The following TNS2 variants were observed in gnomAD, a reference collection of about 807,000 sequenced individuals.
TNS2 encodes tensin 2.
In TNS2, 77 loss-of-function variants were observed where a neutral mutation model predicts 155.7. The ratio of observed to expected loss-of-function variants is 0.49; its 90% CI spans 0.41 to 0.60. The LOEUF (loss-of-function observed/expected upper bound fraction) is 0.60. Among genes scored for constraint, TNS2 ranks in the 20% least tolerant of loss-of-function variants. The pLI is 0.00. For missense variants in TNS2, 1,703 were observed against 1,868.8 expected (o/e 0.91, Z 1.64); for synonymous variants, 726 against 763.9 (o/e 0.95, Z 0.82).
chr12:53,064,155 G>A lies in TNS2; in HGVS notation c.*273G>A. The A allele has an allele frequency of 2.4e-6, 1 of 409,976 alleles. No individual in the cohort carries two copies. Among genetic ancestry groups the A allele is most frequent in the South Asian group, 3.6e-5 (1 of 27,926 alleles). The allele number at this position is 409,976 out of a possible 1,614,324, so 25.4% of individuals were successfully genotyped here. On this transcript the variant is annotated 3_prime_UTR_variant, in exon 29 of 29. Transcript: ENST00000314250. Reference sequence around the variant, plus strand: ...AGGCATCAGCAGTTGAGCCCCGAAGGAGATCAGGCAGCCCCACCTGCAGGA... The same window carrying A: ...AGGCATCAGCAGTTGAGCCCCGAAGAAGATCAGGCAGCCCCACCTGCAGGA...
chr12:53,058,479 CCAGGTG>C, intron 15 of TNS2, 34 bp downstream of exon 15: 2 of 1,611,874 alleles, frequency 1.2e-6, no homozygotes, highest in Non-Finnish European at 1.7e-6. Context: ...GGGCTGGAGT[CCAGGTG>C]GCAGGCAGGT....
At position 53,059,495 on chromosome 12, in the gene TNS2, G is replaced by C. The variant is rs746544346; in HGVS notation, c.1854G>C (p.Arg618Ser). ...ACCGGCCAGAGGGAACCCTGGAGAGGAGGCGACTGGCCTACGGGGGCTATG... is the reference window on the plus strand; with the variant it reads ...ACCGGCCAGAGGGAACCCTGGAGAGCAGGCGACTGGCCTACGGGGGCTATG... The part of the protein sequence containing the change: ...GYYRPEGTLE[R>S]RRLAYGGYEG... The change falls in exon 18 of 29, where the codon AGG becomes AGC. Residue 618 changes from arginine to serine, a missense_variant. By Grantham distance (110) the Arg-to-Ser change is moderately radical. Coordinates refer to ENST00000314250, the MANE Select transcript of TNS2 (RefSeq NM_170754.4). This position sits in a 1 kb window ranked among gnomAD's most constrained non-coding sequence, Gnocchi z 4.7. 6.4e-7 allele frequency: 1 copy of C among 1,568,038 alleles called. No individual in the cohort carries two copies. The highest frequency in any genetic ancestry group is 8.6e-7 in the Non-Finnish European group (1 of 1,160,576).
Position 53,055,224 on chromosome 12 carries a change from C to A in TNS2, c.561C>A (p.Arg187=). The change falls in exon 8 of 29, where the codon CGC becomes CGA. Residue 187 remains arginine, a synonymous_variant. Transcript: ENST00000314250. ...CAGAGAAAAGGCATGACCTGACCCG[C>A]TTAAACCCCAAGGTATGAAGGAAAT... is the stretch of plus-strand genomic sequence containing the variant. ...NLSEKRHDLT[R]LNPKVQDFGW... 1 of 1,614,042 alleles carries A rather than the reference C, an allele frequency of 6.2e-7. No homozygotes were observed. Among genetic ancestry groups the A allele is most frequent in the South Asian group, 1.1e-5 (1 of 91,078 alleles).
In TNS2 at chr12:53,062,691, G is replaced by A; in HGVS notation, c.3817G>A (p.Gly1273Ser). 1 of 1,613,910 alleles carries A rather than the reference G, an allele frequency of 6.2e-7. No individual in the cohort carries two copies. Among genetic ancestry groups the A allele is most frequent in the Non-Finnish European group, 8.5e-7 (1 of 1,179,950 alleles). ...MSTAADLLRQ[G>S]AACSVLYLTS... is the part of the protein sequence containing the mutation. ...CACAGCGGCAGACCTCCTGCGTCAGGGTGCTGGTAGAGACTTCCCCTCCAC... is the reference window on the plus strand; with the variant it reads ...CACAGCGGCAGACCTCCTGCGTCAGAGTGCTGGTAGAGACTTCCCCTCCAC... The change falls in exon 25 of 29, where the codon GGT becomes AGT. Residue 1273 changes from glycine to serine, a missense_variant. Physicochemically the swap from Gly to Ser is moderately conservative, Grantham distance 56 (BLOSUM62 0). Transcript: ENST00000314250.
At position 53,059,548 on chromosome 12, in the gene TNS2, C is replaced by A; in HGVS notation, c.1907C>A (p.Ala636Asp). The stretch of plus-strand genomic sequence containing the variant: ...GGATCCCCCCAGGGCTACGCCGAGG[C>A]CTCGATGGAGAAGAGGCGCCTCTGC... ...YEGSPQGYAE[A>D]SMEKRRLCRS... Residue 636 changes from alanine (A) to aspartate (D), a missense_variant, in exon 18 of 29, where the codon GCC (alanine) becomes GAC (aspartate). Physicochemically the swap from Ala to Asp is moderately radical, Grantham distance 126. Transcript: ENST00000314250. The surrounding 1 kb of genome is among the most constrained non-coding windows in gnomAD (Gnocchi z 4.7). 3 of 1,593,340 alleles carry A rather than the reference C, an allele frequency of 1.9e-6. No individual in the cohort carries two copies. Among genetic ancestry groups the A allele is most frequent in the Non-Finnish European group, 2.6e-6 (3 of 1,170,850 alleles).
chr12:53,058,739 G>T lies in TNS2; in HGVS notation c.1317G>T (p.Ser439=), dbSNP rs200073547. The T allele has an allele frequency of 3.7e-6, 6 of 1,613,962 alleles. No individual in the cohort carries two copies. In the Admixed American group the frequency reaches 1.0e-4, roughly 27 times the overall value. The part of the protein sequence containing the change: ...IKGSTPRNDP[S]VSVDYNTTEP... Reference sequence around the variant, plus strand: ...GCAGCACTCCACGGAACGACCCCTCGGTCTCTGTCGACTACAACACCACTG... The same window carrying T: ...GCAGCACTCCACGGAACGACCCCTCTGTCTCTGTCGACTACAACACCACTG... Residue 439 remains serine (S), a synonymous_variant, in exon 17 of 29, where the codon TCG becomes TCT. Transcript: ENST00000314250.
upstream of TNS2, chr12:53,049,988 T>G: frequency 7.7e-7 from 1 of 1,298,726 alleles, no homozygotes; most frequent in East Asian, 2.8e-5. Context: ...CCCCTCCACT[T>G]CCTGGAGCAG....
chr12:53,053,621 C>A, intron 4 of TNS2, 153 bp from the exon 5 acceptor site: 2 of 1,372,232 alleles, frequency 1.5e-6, no homozygotes, highest in South Asian at 1.3e-5. Flanking sequence ...GATCTTGTGC[C>A]CTTGGGCCTG....
rs772554985 is a variant in TNS2 at position 53,062,485 on chromosome 12, C to T, written c.3745+32C>T. On this transcript the variant is annotated intron_variant, in intron 24 of 28. Coordinates refer to ENST00000314250, the MANE Select transcript of TNS2 (RefSeq NM_170754.4). Reference sequence around the variant, plus strand: ...GTCTGGTCATCTGTCCTCCCCACCTCTCCCTACCCCCTGCAGCCAAAGCAG... The same window carrying T: ...GTCTGGTCATCTGTCCTCCCCACCTTTCCCTACCCCCTGCAGCCAAAGCAG... 2.5e-6 allele frequency: 4 copies of T among 1,612,138 alleles called. No individual in the cohort carries two copies. In the South Asian group the frequency reaches 3.3e-5, roughly 13 times the overall value.
At chr12:53,052,554 A>C in intron 3 of TNS2, 62 bp downstream of exon 3, 1 of 1,604,446 alleles carries the variant, frequency 6.2e-7, no homozygotes, top group African/African-American at 1.3e-5. Flanking sequence ...CCTCCCAAAC[A>C]GGCTTCTGCA....
At position 53,053,871 on chromosome 12, in the gene TNS2, T is replaced by C. The variant is rs1944031958; in HGVS notation, c.300+59T>C. 4 of 1,613,812 alleles carry C rather than the reference T, an allele frequency of 2.5e-6. No individual in the cohort carries two copies. In the East Asian group the frequency reaches 8.9e-5, roughly 36 times the overall value. ...GTAGCTTTGGGAGTAAGGATCTAGA[T>C]TTCCTGAAGACAAAAAGGGCATGGC... On this transcript the variant is annotated intron_variant, in intron 5 of 28. Coordinates refer to ENST00000314250, the MANE Select transcript of TNS2 (RefSeq NM_170754.4).
rs755675375 is a variant in TNS2, at chr12:53,055,715, G to A, written c.696+25G>A. ...GGTGGGCCAGGACCTCGGGTTCCCT[G>A]GTGCCTGGAGGTTCCAGGTCAGCCT... On this transcript the variant is annotated intron_variant, in intron 9 of 28. Coordinates refer to ENST00000314250, the MANE Select transcript of TNS2 (RefSeq NM_170754.4). 10 of 1,614,206 alleles carry A rather than the reference G, an allele frequency of 6.2e-6. No individual in the cohort carries two copies. The East Asian group carries it at 2.2e-4, about 36-fold the overall frequency.
Position 53,057,063 on chromosome 12 carries a change from AGGT to A in TNS2, c.815_817del (p.Val272del). ...ACCATGCGGAAATTCTGCGAGGACAAGGTGGCCACAGAACTGCAGCCCTCCCAG... is the reference window on the plus strand; with the variant it reads ...ACCATGCGGAAATTCTGCGAGGACAAGGCCACAGAACTGCAGCCCTCCCAG... On this transcript the variant is annotated inframe_deletion, in exon 11 of 29. Transcript: ENST00000314250. 4 of 1,613,668 alleles carry A rather than the reference AGGT, an allele frequency of 2.5e-6. No homozygotes were observed. Among genetic ancestry groups the A allele is most frequent in the Non-Finnish European group, 3.4e-6 (4 of 1,179,872 alleles).
chr12:53,058,167 A>T, intron 14 of TNS2, 65 bp downstream of exon 14: 1 of 1,611,908 alleles, frequency 6.2e-7, no homozygotes, highest in Non-Finnish European at 8.5e-7. Flanking sequence ...GTGTAACGGC[A>T]CAGTCACCAA....
At chr12:53,048,603 G>C (rs1943812465), upstream of TNS2, among the ~76,000 whole-genome samples, 1 of 152,192 alleles carries the variant, frequency 6.6e-6, no homozygotes, top group South Asian at 2.1e-4. Context: ...CAGAGCCCGT[G>C]CTCCTCTCCA....
upstream of TNS2, chr12:53,049,980 C>G (rs994548290): frequency 2.8e-5 from 37 of 1,323,706 alleles, no homozygotes; most frequent in East Asian, 1.6e-4. Flanking sequence ...CATCCTCCCC[C>G]CTCCACTTCC....
rs776007075 is a variant in TNS2 at position 53,061,218 on chromosome 12, T to A, written c.3312T>A (p.His1104Gln). ...CGCCAGCCAGAGGCATCAGTCACCA[T>A]GTCACCTTCGCACCTCTGCTCTCAG... The part of the protein sequence containing the change: ...ASSPARGISH[H>Q]VTFAPLLSDN... Residue 1104 changes from histidine (H) to glutamine (Q), a missense_variant, in exon 20 of 29, where the codon CAT (histidine) becomes CAA (glutamine). His to Gln is a conservative substitution (Grantham distance 24). Coordinates refer to ENST00000314250, the MANE Select transcript of TNS2 (RefSeq NM_170754.4). 2 of 1,573,888 alleles carry A rather than the reference T, an allele frequency of 1.3e-6. No homozygotes were observed. The highest frequency in any genetic ancestry group is 1.4e-5 in the African/African-American group (1 of 73,896).
chr12:53,047,467 C>CGGAGGTCG (rs1943764799), upstream of TNS2, among the ~76,000 whole-genome samples: 1 of 136,558 alleles, frequency 7.3e-6, no homozygotes, highest in South Asian at 2.3e-4. Flanking sequence ...GCGGGGCCGC[C>CGGAGGTCG]GGAGGTCGAG....
Position 53,064,344 on chromosome 12 carries a change from C to A in TNS2, c.*462C>A. ...GGGAAAAAAGAGAGTCTATTTTTGT[C>A]TAATAATAAAGAATTTCTATAAACT... On this transcript the variant is annotated 3_prime_UTR_variant, in exon 29 of 29. Coordinates refer to ENST00000314250, the MANE Select transcript of TNS2 (RefSeq NM_170754.4). 1 of 157,904 alleles carries A rather than the reference C, an allele frequency of 6.3e-6. No individual in the cohort carries two copies. The highest frequency in any genetic ancestry group is 1.4e-5 in the Non-Finnish European group (1 of 71,844). The allele number at this position is 157,904 out of a possible 1,614,324, so 9.8% of individuals were successfully genotyped here.
Sources: gnomAD v4.1 joint callset for allele counts (sites outside exome capture counted in the v4.1 genomes callset) on GRCh38, gnomAD v4.1.1 for gene constraint, Gnocchi (gnomAD v3.1) non-coding constraint, MANE v1.5 for transcripts, NCBI Gene and HGNC (gene_info 2026-07-23, HGNC 2026-07-21) for gene names.